TGM3: variants seen among roughly 807,000 people sequenced by gnomAD.
The protein encoded by TGM3 is protein-glutamine gamma-glutamyltransferase E.
TGM3 carries 52 observed loss-of-function variants against 73.8 expected under a neutral mutation model. That is an observed-to-expected ratio of 0.70 (90% CI 0.56 to 0.89). The LOEUF is 0.89. Ranked by LOEUF, TGM3 falls within the 40% of genes least tolerant of loss-of-function variation. The probability of loss-of-function intolerance (pLI) is 0.00; values close to 1 mark genes in which losing one functional copy is unlikely to be tolerated. For missense variants in TGM3, 928 were observed against 909.9 expected, an observed-to-expected ratio of 1.02 and a Z score of -0.26; for synonymous variants, 372 against 354.9, an observed-to-expected ratio of 1.05 and a Z score of -0.54.
intron 7 of TGM3, among the ~76,000 whole-genome samples, chr20:2,324,138 C>G (rs527517736): frequency 6.6e-6 from 1 of 152,246 alleles, no homozygotes; most frequent in South Asian, 2.1e-4. Flanking sequence ...CCTCTGTCAT[C>G]TCTATCCTGC....
intron 1 of TGM3, among the ~76,000 whole-genome samples, chr20:2,300,841 CA>C (rs1177157135): frequency 6.6e-6 from 1 of 152,098 alleles, no homozygotes; most frequent in African/African-American, 2.4e-5. Context: ...TTGTTTTTGC[CA>C]TTACATATGG....
intron 4 of TGM3, among the ~76,000 whole-genome samples, chr20:2,312,216 A>G (rs1280360408): frequency 1.3e-5 from 2 of 151,300 alleles, no homozygotes; most frequent in African/African-American, 2.4e-5. Flanking sequence ...CCTGGCCTAT[A>G]TGGCAAAACC....
chr20:2,318,146 A>G (rs925819284), intron 7 of TGM3, among the ~76,000 whole-genome samples: 1 of 151,906 alleles, frequency 6.6e-6, no homozygotes, highest in African/African-American at 2.4e-5. Context: ...CAGCCTCCCA[A>G]GTAGCTGAGA....
chr20:2,319,298 C>T (rs1015143052), intron 7 of TGM3, among the ~76,000 whole-genome samples: 3 of 152,134 alleles, frequency 2.0e-5, no homozygotes, highest in African/African-American at 4.8e-5. Flanking sequence ...ACTGCAGGGA[C>T]GTGGAAAGCT....
rs376618054 is a variant in TGM3 at position 2,332,252 on chromosome 20, C to G, written c.1584C>G (p.Gly528=). Residue 528 remains glycine (G), a synonymous_variant, in exon 10 of 13, where the codon GGC becomes GGG. Coordinates refer to ENST00000381458, the MANE Select transcript of TGM3 (RefSeq NM_003245.4). The surrounding 1 kb of genome is among the most constrained non-coding windows in gnomAD (Gnocchi z 4.4). The part of the protein sequence containing the change: ...NMTAWTIIYN[G]TLVHEVWKDS... ...CAGCCTGGACCATCATCTACAACGGCACGCTTGTACATGAAGTGTGGAAGG... is the reference window on the plus strand; with the variant it reads ...CAGCCTGGACCATCATCTACAACGGGACGCTTGTACATGAAGTGTGGAAGG... 6.2e-7 allele frequency: 1 copy of G among 1,613,668 alleles called. No individual in the cohort carries two copies. The highest frequency in any genetic ancestry group is 2.2e-5 in the East Asian group (1 of 44,876).
At chr20:2,314,535 A>G (rs2084223534) in intron 5 of TGM3, among the ~76,000 whole-genome samples, 1 of 27,030 alleles carries the variant, frequency 3.7e-5, no homozygotes, top group Non-Finnish European at 2.8e-4. Flanking sequence ...ACACATACAC[A>G]CACACACACA....
intron 6 of TGM3, 26 bp downstream of exon 6, chr20:2,317,271 C>T (rs766347571): frequency 6.8e-6 from 11 of 1,613,638 alleles, no homozygotes; most frequent in Middle Eastern, 1.6e-4. Context: ...TGTGCCTTGG[C>T]TGGGTCAGTG....
chr20:2,314,373 C>T (rs1199250788), intron 5 of TGM3, among the ~76,000 whole-genome samples: 1 of 151,966 alleles, frequency 6.6e-6, no homozygotes, highest in Non-Finnish European at 1.5e-5. Context: ...CCTAGATCAA[C>T]CTGCTCAAAA....
chr20:2,322,049 G>C (rs1021884391), intron 7 of TGM3, among the ~76,000 whole-genome samples: 1 of 151,120 alleles, frequency 6.6e-6, no homozygotes, highest in Non-Finnish European at 1.5e-5. Context: ...TCCCTCCCTT[G>C]CTCCTCTCAC....
intron 8 of TGM3, among the ~76,000 whole-genome samples, chr20:2,326,200 G>A (rs1360435246): frequency 2.0e-5 from 3 of 152,262 alleles, no homozygotes; most frequent in Non-Finnish European, 2.9e-5. Flanking sequence ...GGCCAGGTGG[G>A]CAGAGAGAGC....
intron 1 of TGM3, among the ~76,000 whole-genome samples, chr20:2,307,862 C>T (rs2084183542): frequency 6.6e-6 from 1 of 151,842 alleles, no homozygotes; most frequent in Non-Finnish European, 1.5e-5. Flanking sequence ...TCATTTATTC[C>T]TTCATCCATT....
chr20:2,298,657 C>T (rs2084124697), intron 1 of TGM3, among the ~76,000 whole-genome samples: 1 of 152,240 alleles, frequency 6.6e-6, no homozygotes, highest in Non-Finnish European at 1.5e-5. Context: ...AAACCGTTCT[C>T]CTTGGAGCTG....
intron 7 of TGM3, among the ~76,000 whole-genome samples, chr20:2,318,523 T>C (rs965236479): frequency 6.6e-6 from 1 of 152,230 alleles, no homozygotes; most frequent in African/African-American, 2.4e-5. Flanking sequence ...TGTTTAAGGT[T>C]ATATCATATA....
intron 10 of TGM3, among the ~76,000 whole-genome samples, chr20:2,333,824 C>T (rs997825511): frequency 3.3e-5 from 5 of 152,132 alleles, no homozygotes; most frequent in African/African-American, 4.8e-5. Flanking sequence ...GGTCGTCTGC[C>T]AAGTAGTTGC....
chr20:2,312,289 A>G (rs1276016168), intron 4 of TGM3, among the ~76,000 whole-genome samples: 1 of 149,026 alleles, frequency 6.7e-6, no homozygotes, highest in East Asian at 2.0e-4. Context: ...AATCCCAGCT[A>G]CTTGGGAGGC....
intron 12 of TGM3, 110 bp downstream of exon 12, chr20:2,340,097 C>T: frequency 7.3e-7 from 1 of 1,361,028 alleles, no homozygotes; most frequent in Non-Finnish European, 1.0e-6. Flanking sequence ...GGGTTCTTTA[C>T]TCTTTTGGGG....
intron 7 of TGM3, among the ~76,000 whole-genome samples, chr20:2,317,922 C>CATAT (rs58550267): frequency 1.8e-4 from 26 of 143,056 alleles, no homozygotes; most frequent in African/African-American, 5.5e-4. Flanking sequence ...CTTCTCTTAG[C>CATAT]ATATATATAT....
At chr20:2,320,689 T>A (rs2084257877) in intron 7 of TGM3, among the ~76,000 whole-genome samples, 1 of 152,174 alleles carries the variant, frequency 6.6e-6, no homozygotes, top group Admixed American at 6.5e-5. Context: ...ATTCACTCTC[T>A]TCAGAGTGAG....
At chr20:2,298,113 G>A (rs761654783) in intron 1 of TGM3, among the ~76,000 whole-genome samples, 11 of 152,170 alleles carry the variant, frequency 7.2e-5, no homozygotes, top group Non-Finnish European at 1.2e-4. Flanking sequence ...GTGTGAGCAG[G>A]TGTGACCCAG....
Sources: gnomAD v4.1 joint callset for allele counts (sites outside exome capture counted in the v4.1 genomes callset) on GRCh38, gnomAD v4.1.1 for gene constraint, Gnocchi (gnomAD v3.1) non-coding constraint, MANE v1.5 for transcripts, NCBI Gene and HGNC (gene_info 2026-07-23, HGNC 2026-07-21) for gene names.